Variants in LRP1B observed in about 807,000 individuals in gnomAD.
The protein encoded by LRP1B is LDL receptor related protein 1B.
Under a neutral mutation model 556.6 loss-of-function variants are expected in LRP1B, and 217 were observed. That is an observed-to-expected ratio of 0.39 (90% CI 0.35 to 0.44). LRP1B has a LOEUF of 0.44. Among genes scored for constraint, LRP1B ranks in the 20% least tolerant of loss-of-function variants. The probability of loss-of-function intolerance (pLI) is 1.00; values close to 1 mark genes in which losing one functional copy is unlikely to be tolerated. For synonymous variants in LRP1B, 2,047 were observed against 1,865.8 expected (o/e 1.10, Z -2.50); for missense variants, 5,053 against 5,620.8 (o/e 0.90, Z 3.23).
Position 140,983,504 on chromosome 2 carries a change from T to C in LRP1B, c.2771-1228A>G, listed in dbSNP as rs540323491. Among the ~76,000 whole-genome samples, 355 of 152,206 alleles carry C rather than the reference T, an allele frequency of 2.3e-3. 1 individual carries two copies. Among genetic ancestry groups the C allele is most frequent in the African/African-American group, 8.3e-3 (343 of 41,560 alleles). ...AAAGAGTGGAGCAAAGCCAACTCAATCAAATGCACTAAAATGGGTTCCATG... is the reference window on the plus strand; with the variant it reads ...AAAGAGTGGAGCAAAGCCAACTCAACCAAATGCACTAAAATGGGTTCCATG... On this transcript the variant is annotated intron_variant, in intron 17 of 90. Coordinates refer to ENST00000389484, the MANE Select transcript of LRP1B (RefSeq NM_018557.3).
intron 1 of LRP1B, among the ~76,000 whole-genome samples, chr2:141,825,854 A>G (rs1011134857): frequency 2.0e-5 from 3 of 152,316 alleles, no homozygotes; most frequent in African/African-American, 7.2e-5. Context: ...AGGAATATAA[A>G]TTAAACCTCA....
intron 2 of LRP1B, among the ~76,000 whole-genome samples, chr2:141,627,750 C>G (rs971152821): frequency 6.6e-6 from 1 of 152,232 alleles, no homozygotes; most frequent in Middle Eastern, 3.4e-3. Flanking sequence ...ATGTACAACA[C>G]CAAGAATGAA....
intron 66 of LRP1B, among the ~76,000 whole-genome samples, chr2:140,416,030 A>G (rs1190616559): frequency 6.6e-6 from 1 of 152,116 alleles, no homozygotes; most frequent in Non-Finnish European, 1.5e-5. Context: ...ATGGATGAGT[A>G]CTGATTGGTG....
chr2:141,798,786 C>T (rs1197389312), intron 2 of LRP1B, among the ~76,000 whole-genome samples: 1 of 151,374 alleles, frequency 6.6e-6, no homozygotes, highest in Non-Finnish European at 1.5e-5. Context: ...TTGGTCCTCC[C>T]AAAATTCATA....
At chr2:141,152,870 TATTA>T (rs1701958880) in intron 7 of LRP1B, among the ~76,000 whole-genome samples, 2 of 151,728 alleles carry the variant, frequency 1.3e-5, no homozygotes, top group East Asian at 3.9e-4. Flanking sequence ...AAAATTTTAT[TATTA>T]TTTTTAGTAT....
intron 41 of LRP1B, among the ~76,000 whole-genome samples, chr2:140,687,786 G>A (rs114248462): frequency 0.018 from 2,698 of 152,044 alleles, 90 homozygotes; most frequent in Admixed American, 0.073. Context: ...GAAATATTTT[G>A]CTTTTTCAAA....
intron 86 of LRP1B, among the ~76,000 whole-genome samples, chr2:140,268,695 T>C (rs1021210872): frequency 8.5e-5 from 13 of 152,088 alleles, no homozygotes; most frequent in Non-Finnish European, 1.9e-4. Context: ...AGAGGAGATA[T>C]GAGTTTACTA....
intron 1 of LRP1B, among the ~76,000 whole-genome samples, chr2:141,879,641 C>T (rs1315055558): frequency 5.3e-5 from 4 of 75,600 alleles, no homozygotes; most frequent in Non-Finnish European, 1.0e-4. Flanking sequence ...CATTCCTACA[C>T]CTAGGAAGGC....
At chr2:140,960,708 C>A (rs896083457) in intron 18 of LRP1B, among the ~76,000 whole-genome samples, 1 of 151,748 alleles carries the variant, frequency 6.6e-6, no homozygotes, top group Admixed American at 6.6e-5. Context: ...GTACTTTGTC[C>A]TTATTTGTGA....
At chr2:141,179,230 A>G (rs1022680909) in intron 7 of LRP1B, among the ~76,000 whole-genome samples, 2 of 152,042 alleles carry the variant, frequency 1.3e-5, no homozygotes, top group Non-Finnish European at 2.9e-5. Context: ...CACTTTAGAC[A>G]GGTCCCAGAT....
intron 1 of LRP1B, among the ~76,000 whole-genome samples, chr2:141,874,957 A>C: frequency 6.6e-6 from 1 of 150,384 alleles, no homozygotes; most frequent in East Asian, 2.0e-4. Flanking sequence ...AGATTTTATA[A>C]GAGATATTAT....
chr2:141,418,438 T>TTTG (rs1680002653), intron 3 of LRP1B, among the ~76,000 whole-genome samples: 1 of 150,340 alleles, frequency 6.7e-6, no homozygotes. Context: ...CAATATTTTT[T>TTTG]TTTTTTTTTG....
chr2:141,822,214 G>A (rs1360959956), intron 1 of LRP1B, among the ~76,000 whole-genome samples: 1 of 150,538 alleles, frequency 6.6e-6, no homozygotes, highest in African/African-American at 2.5e-5. Context: ...ATATTCAGTG[G>A]AATAAAGCTG....
At chr2:142,124,599 A>G (rs13382235) in intron 1 of LRP1B, among the ~76,000 whole-genome samples, 11,772 of 149,538 alleles carry the variant, frequency 0.079, 574 homozygotes, top group Non-Finnish European at 0.11. Context: ...AAAAAGAAAA[A>G]TAATAAATTT....
intron 21 of LRP1B, among the ~76,000 whole-genome samples, chr2:140,908,337 A>C (rs147728968): frequency 0.058 from 7,682 of 131,890 alleles, 242 homozygotes; most frequent in Admixed American, 0.12. Flanking sequence ...CTCTCTCTAT[A>C]TATATATACA....
At chr2:141,206,084 T>C (rs534608919) in intron 6 of LRP1B, among the ~76,000 whole-genome samples, 7 of 151,978 alleles carry the variant, frequency 4.6e-5, no homozygotes, top group Middle Eastern at 3.4e-3. Context: ...GTCAAAACCA[T>C]ACTATGACAT....
intron 18 of LRP1B, among the ~76,000 whole-genome samples, chr2:140,954,235 A>G (rs189524005): frequency 1.9e-4 from 29 of 152,308 alleles, no homozygotes; most frequent in African/African-American, 5.8e-4. Context: ...GTCCTTAGAT[A>G]GATAATAACT....
At chr2:142,098,348 G>A (rs1236204450) in intron 1 of LRP1B, among the ~76,000 whole-genome samples, 2 of 151,734 alleles carry the variant, frequency 1.3e-5, no homozygotes, top group African/African-American at 4.8e-5. Context: ...ATTCAAAAAT[G>A]TTTACAATAC....
chr2:141,917,742 C>A (rs1197804257), intron 1 of LRP1B, among the ~76,000 whole-genome samples: 1 of 152,190 alleles, frequency 6.6e-6, no homozygotes, highest in African/African-American at 2.4e-5. Context: ...ATTCACTCGT[C>A]TCTACTGTCA....
Sources: gnomAD v4.1 joint callset for allele counts (sites outside exome capture counted in the v4.1 genomes callset) on GRCh38, gnomAD v4.1.1 for gene constraint, MANE v1.5 for transcripts, NCBI Gene and HGNC (gene_info 2026-07-23, HGNC 2026-07-21) for gene names.